UTS2B: variants seen among roughly 807,000 people sequenced by gnomAD.
UTS2B encodes the protein urotensin 2B, also known as urotensin-2B.
In UTS2B, 21 loss-of-function variants were observed where a neutral mutation model predicts 19.2. The observed-to-expected ratio is 1.09, with a 90% confidence interval of 0.78 to 1.58. UTS2B has a LOEUF of 1.58. Among genes scored for constraint, UTS2B ranks in the 40% most tolerant of loss-of-function variants. UTS2B has a pLI of 0.00. For missense variants in UTS2B, 138 were observed against 130.3 expected, an observed-to-expected ratio of 1.06 and a Z score of -0.29; for synonymous variants, 57 against 50.2, an observed-to-expected ratio of 1.14 and a Z score of -0.58.
At chr3:191,337,304 C>A in the UTS2B span, among the ~76,000 whole-genome samples, 1 of 151,992 alleles carries the variant, frequency 6.6e-6, no homozygotes. Flanking sequence ...TAATGATGCC[C>A]TTGGGAATTA....
chr3:191,336,270 C>T, the UTS2B span, among the ~76,000 whole-genome samples: 1 of 151,894 alleles, frequency 6.6e-6, no homozygotes, highest in Admixed American at 6.6e-5. Flanking sequence ...ATTTTGTATT[C>T]CCACCAGCAA....
At chr3:191,345,559 T>C in the UTS2B span, among the ~76,000 whole-genome samples, 2 of 152,292 alleles carry the variant, frequency 1.3e-5, no homozygotes, top group Admixed American at 1.3e-4. Context: ...CTGATAATGA[T>C]GTAGATGGTC....
the UTS2B span, among the ~76,000 whole-genome samples, chr3:191,337,250 C>G: frequency 9.2e-5 from 14 of 151,836 alleles, no homozygotes; most frequent in African/African-American, 3.4e-4. Context: ...TTGGACAGTT[C>G]AGTTATCGGT....
At position 191,316,179 on chromosome 3, in the gene UTS2B, C is replaced by T. The variant is rs1021637408; in HGVS notation, c.-325G>A. ...GGGTGTTTGTTTTCTTCCACATAGC[C>T]TTTCCATATAGCCAGTTTCCAACAG... On this transcript the variant is annotated 5_prime_UTR_variant, in exon 3 of 9. Transcript: ENST00000340524. 1 of 152,126 alleles carries T rather than the reference C, an allele frequency of 6.6e-6. No homozygotes were observed. Among genetic ancestry groups the T allele is most frequent in the Non-Finnish European group, 1.5e-5 (1 of 68,076 alleles). 9.4% of individuals were successfully genotyped at this position (152,126 alleles called of 1,614,324 possible).
chr3:191,285,671 G>A (rs1319720505), intron 4 of UTS2B, among the ~76,000 whole-genome samples: 2 of 152,168 alleles, frequency 1.3e-5, no homozygotes, highest in South Asian at 2.1e-4. Flanking sequence ...GGAGGCTGAG[G>A]TGGGTGGATC....
chr3:191,300,309 A>C (rs56395850), intron 4 of UTS2B, among the ~76,000 whole-genome samples: 41,170 of 151,192 alleles, frequency 0.27, 6,348 homozygotes, highest in African/African-American at 0.41. Context: ...CAGCCTCCCA[A>C]AGTGCTGGGA....
At chr3:191,297,092 C>G (rs1240426352) in intron 4 of UTS2B, among the ~76,000 whole-genome samples, 4 of 152,092 alleles carry the variant, frequency 2.6e-5, no homozygotes, top group Admixed American at 1.3e-4. Context: ...AAATGAAGAG[C>G]CTTCCTATAA....
At chr3:191,275,496 C>T (rs1394871296) in intron 7 of UTS2B, 151 bp from the exon 8 acceptor site, 1 of 588,092 alleles carries the variant, frequency 1.7e-6, no homozygotes, top group East Asian at 2.9e-5. Flanking sequence ...CTGGCTAACA[C>T]AGTGAAACTC....
chr3:191,302,634 A>G (rs1011940330), intron 4 of UTS2B, among the ~76,000 whole-genome samples: 2 of 152,170 alleles, frequency 1.3e-5, no homozygotes, highest in African/African-American at 2.4e-5. Flanking sequence ...CTGTTCGTTA[A>G]GTCCATTAAC....
At chr3:191,295,668 C>T (rs1361821179) in intron 4 of UTS2B, among the ~76,000 whole-genome samples, 1 of 151,956 alleles carries the variant, frequency 6.6e-6, no homozygotes, top group Non-Finnish European at 1.5e-5. Context: ...TCAACCATGT[C>T]ACAAACTGAA....
At chr3:191,292,157 T>A (rs1339501740) in intron 4 of UTS2B, among the ~76,000 whole-genome samples, 1 of 151,792 alleles carries the variant, frequency 6.6e-6, no homozygotes, top group Non-Finnish European at 1.5e-5. Context: ...AAGCTAAGAT[T>A]TTGGTAGAGG....
At chr3:191,302,924 A>G (rs1417555677) in intron 4 of UTS2B, among the ~76,000 whole-genome samples, 1 of 152,182 alleles carries the variant, frequency 6.6e-6, no homozygotes, top group African/African-American at 2.4e-5. Context: ...TTAACTCACT[A>G]AAGAAAGTTC....
chr3:191,289,851 G>C (rs998872774), intron 4 of UTS2B, among the ~76,000 whole-genome samples: 3 of 152,150 alleles, frequency 2.0e-5, no homozygotes, highest in Non-Finnish European at 4.4e-5. Context: ...TTAGATAGCA[G>C]AAGTTAAGTT....
chr3:191,329,352 T>G, intron 1 of UTS2B: 16 of 279,714 alleles, frequency 5.7e-5, no homozygotes, highest in East Asian at 1.5e-4. Flanking sequence ...CCCGCCCGCC[T>G]TTCTGTCTCC....
the UTS2B span, among the ~76,000 whole-genome samples, chr3:191,345,826 T>A: frequency 2.6e-5 from 4 of 152,238 alleles, no homozygotes; most frequent in Non-Finnish European, 1.5e-5. Context: ...TCAGAATGAT[T>A]CTTCGCAGTG....
chr3:191,339,425 T>G, the UTS2B span, among the ~76,000 whole-genome samples: 1 of 152,180 alleles, frequency 6.6e-6, no homozygotes, highest in Non-Finnish European at 1.5e-5. Flanking sequence ...GATTCCTTTA[T>G]AGCAGAAAAG....
In UTS2B at chr3:191,267,183, T is replaced by C. The variant is rs1715957497; in HGVS notation, c.*1233A>G. The C allele has an allele frequency of 6.6e-6, 1 of 152,216 alleles. No homozygotes were observed. The highest frequency in any genetic ancestry group is 6.5e-5 in the Admixed American group (1 of 15,276). The allele number at this position is 152,216 out of a possible 1,614,324, so 9.4% of individuals were successfully genotyped here. On this transcript the variant is annotated 3_prime_UTR_variant, in exon 9 of 9. Coordinates refer to ENST00000340524, the MANE Select transcript of UTS2B (RefSeq NM_198152.5). ...CTTTCCAAGATGCTTTTCAAAATGT[T>C]TTAATTAATAGTTCAACAGCATAGT...
At chr3:191,300,291 G>A (rs1386182875) in intron 4 of UTS2B, among the ~76,000 whole-genome samples, 3 of 151,392 alleles carry the variant, frequency 2.0e-5, no homozygotes, top group African/African-American at 7.3e-5. Context: ...CTCATGATCC[G>A]CCCACCTCAG....
chr3:191,330,488 C>CT lies in UTS2B; in HGVS notation c.-740dup, dbSNP rs906179868. 1.3e-4 allele frequency: 20 copies of CT among 152,126 alleles called. No individual in the cohort carries two copies. Among genetic ancestry groups the CT allele is most frequent in the African/African-American group, 3.9e-4 (16 of 41,460 alleles). 9.4% of individuals were successfully genotyped at this position (152,126 alleles called of 1,614,324 possible). Reference sequence around the variant, plus strand: ...TTCCACTAGCTGCCTCAGGACCTAGCTTTTTTTTGCTGAGATCTTAGGTGC... The same window carrying CT: ...TTCCACTAGCTGCCTCAGGACCTAGCTTTTTTTTTGCTGAGATCTTAGGTGC... On this transcript the variant is annotated 5_prime_UTR_variant, in exon 1 of 9. Coordinates refer to ENST00000340524, the MANE Select transcript of UTS2B (RefSeq NM_198152.5).
Sources: gnomAD v4.1 joint callset for allele counts (sites outside exome capture counted in the v4.1 genomes callset) on GRCh38, gnomAD v4.1.1 for gene constraint, MANE v1.5 for transcripts, NCBI Gene and HGNC (gene_info 2026-07-23, HGNC 2026-07-21) for gene names.